The following OR2L13 variants were observed in gnomAD, a reference collection of about 807,000 sequenced individuals.
The protein encoded by OR2L13 is olfactory receptor 2L13.
OR2L13 carries 14 observed loss-of-function variants against 15.3 expected under a neutral mutation model. That is an observed-to-expected ratio of 0.91 (90% CI 0.60 to 1.43). The LOEUF is 1.43. Among genes scored for constraint, OR2L13 ranks in the 40% most tolerant of loss-of-function variants. The pLI is 0.00. For synonymous variants in OR2L13, 152 were observed against 142.9 expected (o/e 1.06, Z -0.45); for missense variants, 367 against 387.9 (o/e 0.95, Z 0.45).
chr1:247,937,930 T>C, the OR2L13 span, among the ~76,000 whole-genome samples: 1 of 152,086 alleles, frequency 6.6e-6, no homozygotes, highest in Non-Finnish European at 1.5e-5. Context: ...TTAAAAACAA[T>C]AGTAATAAAT....
chr1:248,080,072 G>A, the OR2L13 span, among the ~76,000 whole-genome samples: 1 of 152,018 alleles, frequency 6.6e-6, no homozygotes, highest in African/African-American at 2.4e-5. Flanking sequence ...TATCGACTTG[G>A]AAGAGACAAA....
At chr1:248,017,042 G>T in the OR2L13 span, among the ~76,000 whole-genome samples, 26 of 152,184 alleles carry the variant, frequency 1.7e-4, no homozygotes, top group African/African-American at 5.5e-4. Context: ...ATGCCTCCCG[G>T]GTTGAAGTTT....
the OR2L13 span, among the ~76,000 whole-genome samples, chr1:247,954,960 A>ATT: frequency 5.9e-5 from 9 of 151,620 alleles, no homozygotes; most frequent in Admixed American, 3.3e-4. Context: ...ATATATATAT[A>ATT]TTTTTACTTT....
the OR2L13 span, among the ~76,000 whole-genome samples, chr1:247,960,150 C>A: frequency 6.6e-6 from 1 of 152,108 alleles, no homozygotes; most frequent in Non-Finnish European, 1.5e-5. Context: ...GTTAGTTTTC[C>A]TTCTAACAGT....
At chr1:247,975,383 T>C in the OR2L13 span, 3 of 628,322 alleles carry the variant, frequency 4.8e-6, no homozygotes, top group South Asian at 4.8e-5. Flanking sequence ...GGTGAGGTTC[T>C]CCTTACTGTC....
At chr1:248,012,090 T>C in the OR2L13 span, among the ~76,000 whole-genome samples, 1 of 152,312 alleles carries the variant, frequency 6.6e-6, no homozygotes, top group South Asian at 2.1e-4. Flanking sequence ...TAATCACTTC[T>C]TCCAGAATAA....
the OR2L13 span, among the ~76,000 whole-genome samples, chr1:247,996,414 A>G: frequency 6.6e-6 from 1 of 152,242 alleles, no homozygotes; most frequent in African/African-American, 2.4e-5. Flanking sequence ...TGCACTGAAC[A>G]CAGACATCTA....
At chr1:248,094,693 T>A (rs1220345495), upstream of OR2L13, among the ~76,000 whole-genome samples, 1 of 152,184 alleles carries the variant, frequency 6.6e-6, no homozygotes, top group Non-Finnish European at 1.5e-5. Flanking sequence ...TACCCCCACC[T>A]AACAAGTAGA....
chr1:248,023,234 A>T, the OR2L13 span: 2 of 160,766 alleles, frequency 1.2e-5, no homozygotes, highest in Admixed American at 6.0e-5. Flanking sequence ...AAATAAGACA[A>T]AATAACAAAT....
chr1:248,079,645 T>G, the OR2L13 span, among the ~76,000 whole-genome samples: 1 of 152,178 alleles, frequency 6.6e-6, no homozygotes, highest in African/African-American at 2.4e-5. Context: ...AGTCTATTAA[T>G]TGCCCCACAT....
chr1:248,035,118 AG>A, the OR2L13 span, among the ~76,000 whole-genome samples: 1 of 151,764 alleles, frequency 6.6e-6, no homozygotes, highest in East Asian at 1.9e-4. Context: ...ATGCCGTGAA[AG>A]TGGACATTTT....
At chr1:247,949,583 C>A in the OR2L13 span, 5 of 1,614,070 alleles carry the variant, frequency 3.1e-6, no homozygotes, top group Admixed American at 8.3e-5. Context: ...CCTGCAGCAC[C>A]CACCTCACTG....
the OR2L13 span, among the ~76,000 whole-genome samples, chr1:247,958,201 C>A: frequency 2.0e-5 from 3 of 151,986 alleles, no homozygotes; most frequent in Admixed American, 2.0e-4. Flanking sequence ...CGTTATGTAC[C>A]CAGTAGTCAT....
the OR2L13 span, among the ~76,000 whole-genome samples, chr1:248,011,444 G>A: frequency 3.1e-4 from 47 of 151,936 alleles, no homozygotes; most frequent in African/African-American, 1.0e-3. Context: ...TGCTCTTCTC[G>A]AGGAGTATCT....
the OR2L13 span, among the ~76,000 whole-genome samples, chr1:248,014,914 G>A: frequency 6.6e-6 from 1 of 152,122 alleles, no homozygotes; most frequent in Non-Finnish European, 1.5e-5. Context: ...AACTTACACA[G>A]TGAAGCAGAC....
chr1:247,960,456 C>G, the OR2L13 span, among the ~76,000 whole-genome samples: 15 of 152,212 alleles, frequency 9.9e-5, no homozygotes, highest in African/African-American at 3.6e-4. Flanking sequence ...AACCACTACT[C>G]TCTTCAAAGC....
chr1:248,028,991 T>C, the OR2L13 span: 1 of 152,206 alleles, frequency 6.6e-6, no homozygotes, highest in African/African-American at 2.4e-5. Context: ...ATTCTTCGAC[T>C]TTTCAAATGC....
the OR2L13 span, chr1:248,061,284 C>A: frequency 2.5e-6 from 4 of 1,583,124 alleles, no homozygotes; most frequent in Non-Finnish European, 3.4e-6. Flanking sequence ...TGTTTTTGAG[C>A]ACCACCATCT....
the OR2L13 span, among the ~76,000 whole-genome samples, chr1:248,069,938 A>G: frequency 6.6e-6 from 1 of 152,154 alleles, no homozygotes. Context: ...TCCTAAATAT[A>G]TATGCACCCA....
Sources: allele counts gnomAD v4.1 joint callset (sites outside exome capture counted in the v4.1 genomes callset), GRCh38; gene constraint gnomAD v4.1.1; transcripts MANE v1.5; gene names NCBI Gene and HGNC (gene_info 2026-07-23, HGNC 2026-07-21).